Variants in COL4A4 observed in about 807,000 individuals in gnomAD.
The protein encoded by COL4A4 is collagen alpha-4(IV) chain.
In COL4A4, 105 loss-of-function variants were observed where a neutral mutation model predicts 192.9. The ratio of observed to expected loss-of-function variants is 0.54; its 90% CI spans 0.46 to 0.64. The LOEUF (loss-of-function observed/expected upper bound fraction) is 0.64. Ranked by LOEUF, COL4A4 falls within the 30% of genes least tolerant of loss-of-function variation. COL4A4 has a pLI of 0.00. For synonymous variants in COL4A4, 762 were observed against 769.9 expected (o/e 0.99, Z 0.17); for missense variants, 1,967 against 2,169.3 (o/e 0.91, Z 1.85).
chr2:227,049,646 A>G (rs183503742), intron 34 of COL4A4, among the ~76,000 whole-genome samples: 125 of 152,376 alleles, frequency 8.2e-4, no homozygotes, highest in African/African-American at 2.7e-3. Flanking sequence ...TTTAGCCTCT[A>G]TGTCCTAACT....
At chr2:227,001,878 A>AAAG (rs1961043981), downstream of COL4A4, among the ~76,000 whole-genome samples, 1 of 151,702 alleles carries the variant, frequency 6.6e-6, no homozygotes, top group Non-Finnish European at 1.5e-5. Flanking sequence ...TTCCTACTTA[A>AAAG]AAGTAAGTCC....
chr2:227,104,766 G>A (rs561159983), intron 12 of COL4A4, among the ~76,000 whole-genome samples: 46 of 150,458 alleles, frequency 3.1e-4, no homozygotes, highest in African/African-American at 1.1e-3. Context: ...TCAGCCTCCA[G>A]AGTAGCTGGG....
intron 12 of COL4A4, among the ~76,000 whole-genome samples, chr2:227,104,403 T>C (rs1194105067): frequency 1.1e-5 from 1 of 89,386 alleles, no homozygotes; most frequent in Admixed American, 1.1e-4. Flanking sequence ...ACCCCGTCTC[T>C]ACTAAAAATA....
In COL4A4 at chr2:227,022,149, A is replaced by C. The variant is rs1966130127; in HGVS notation, c.4115T>G (p.Val1372Gly). Residue 1372 changes from valine (V) to glycine (G), a missense_variant, in exon 44 of 48, where the codon GTG (valine) becomes GGG (glycine). By Grantham distance (109) the Val-to-Gly change is moderately radical (BLOSUM62 -3). Transcript: ENST00000396625. ...GCCTGGGATTCGGGGACAGTCATCC[A>C]CATCTGCAGGTGGCCCCGGTTCACC... Reference protein sequence around the residue: ...PRGEPGPPADVDDCPRIPGLP... With the variant: ...PRGEPGPPADGDDCPRIPGLP... 6.2e-7 allele frequency: 1 copy of C among 1,613,994 alleles called. No individual in the cohort carries two copies.
the COL4A4 span, chr2:226,995,557 A>G: frequency 7.1e-7 from 1 of 1,402,042 alleles, no homozygotes; most frequent in Non-Finnish European, 1.0e-6. Context: ...CTATTCGTGT[A>G]ATTATTGCCC....
chr2:227,080,341 T>C, intron 24 of COL4A4, 102 bp downstream of exon 24: 1 of 1,059,232 alleles, frequency 9.4e-7, no homozygotes, highest in Non-Finnish European at 1.5e-6. Context: ...TATGTTGATA[T>C]TTTACTGAAT....
intron 37 of COL4A4, among the ~76,000 whole-genome samples, chr2:227,041,860 A>AGAG (rs1559478521): frequency 5.4e-5 from 5 of 92,280 alleles, no homozygotes; most frequent in African/African-American, 2.2e-4. Context: ...GAAAGAAAGA[A>AGAG]AGAAAGAAAG....
chr2:227,091,740 C>A (rs1392833608), intron 20 of COL4A4, among the ~76,000 whole-genome samples: 1 of 151,570 alleles, frequency 6.6e-6, no homozygotes. Flanking sequence ...CTAAAAAATG[C>A]AAAAAATTAG....
chr2:227,118,783 G>T, intron 6 of COL4A4, 22 bp from the exon 7 acceptor site: 2 of 1,548,144 alleles, frequency 1.3e-6, no homozygotes, highest in Non-Finnish European at 1.8e-6. Flanking sequence ...AAAATTATAA[G>T]TGAAGCATTT....
chr2:227,045,697 A>T (rs1197853493), intron 35 of COL4A4, among the ~76,000 whole-genome samples: 2 of 148,178 alleles, frequency 1.3e-5, no homozygotes, highest in African/African-American at 5.0e-5. Context: ...TGAACCCAGA[A>T]GGTGGAGGTT....
chr2:227,141,233 G>A (rs2063188123), intron 3 of COL4A4, among the ~76,000 whole-genome samples: 1 of 152,210 alleles, frequency 6.6e-6, no homozygotes, highest in African/African-American at 2.4e-5. Flanking sequence ...CCTGGCTCAT[G>A]ATCTGGCCTA....
chr2:227,073,095 G>A (rs1417905351), intron 25 of COL4A4, among the ~76,000 whole-genome samples: 1 of 151,668 alleles, frequency 6.6e-6, no homozygotes, highest in Non-Finnish European at 1.5e-5. Context: ...TAGAAAAGAG[G>A]AAGTCAAACT....
In COL4A4 at chr2:227,114,630, G is replaced by A. The variant is rs1351388457; in HGVS notation, c.556C>T (p.Gln186Ter). 3 of 1,613,514 alleles carry A rather than the reference G, an allele frequency of 1.9e-6. No individual in the cohort carries two copies. The highest frequency in any genetic ancestry group is 2.2e-5 in the East Asian group (1 of 44,864). Residue 186 changes from glutamine to a stop codon, truncating the protein, a stop_gained and splice_region_variant, in exon 8 of 48, where the codon CAG (glutamine) becomes TAG (stop). Transcript: ENST00000396625. LOFTEE classifies it high-confidence loss of function. ...VFILGAVKGI[Q>*]GDRGDPGLPG... ...CCCATCATGATCATAATACTTACCT[G>A]AATACCTTTAACGGCACCTAAAATG...
chr2:226,997,000 G>A, the COL4A4 span: 4 of 152,128 alleles, frequency 2.6e-5, no homozygotes, highest in South Asian at 2.1e-4. Flanking sequence ...CAATTTTTCC[G>A]TTGATACATT....
At chr2:227,144,387 G>T in intron 3 of COL4A4, 129 bp downstream of exon 3, 1 of 763,190 alleles carries the variant, frequency 1.3e-6, no homozygotes, top group Non-Finnish European at 2.3e-6. Context: ...AGTTTATTTA[G>T]TCCTATTCTC....
chr2:227,097,475 G>C (rs879196399), intron 19 of COL4A4, among the ~76,000 whole-genome samples: 2 of 152,138 alleles, frequency 1.3e-5, no homozygotes, highest in Admixed American at 1.3e-4. Context: ...GTCAAGATTT[G>C]AAAGCTATTG....
At chr2:227,081,914 T>C (rs968814614) in intron 23 of COL4A4, among the ~76,000 whole-genome samples, 1 of 152,152 alleles carries the variant, frequency 6.6e-6, no homozygotes, top group Non-Finnish European at 1.5e-5. Flanking sequence ...TAAAGGAATA[T>C]TTATGTTTTC....
chr2:227,035,788 A>G (rs986883870), intron 37 of COL4A4, among the ~76,000 whole-genome samples: 3 of 152,114 alleles, frequency 2.0e-5, no homozygotes, highest in African/African-American at 7.2e-5. Flanking sequence ...AGCTTTAGTC[A>G]CCAAGATTGA....
rs1961536344 is a variant in COL4A4, at chr2:227,003,959, A to AAAT, written c.*3363_*3365dup. 6.6e-6 allele frequency: 1 copy of AAAT among 152,246 alleles called. No individual in the cohort carries two copies. Among genetic ancestry groups the AAAT allele is most frequent in the South Asian group, 2.1e-4 (1 of 4,832 alleles). 9.4% of individuals were successfully genotyped at this position (152,246 alleles called of 1,614,324 possible). A position where few individuals can be genotyped will look rare whatever the true frequency, so the allele number is the denominator to read the frequency against. On this transcript the variant is annotated 3_prime_UTR_variant, in exon 48 of 48. Coordinates refer to ENST00000396625, the MANE Select transcript of COL4A4 (RefSeq NM_000092.5). ...ATATGTTGAATATTAAAATATTCTG[A>AAAT]AATAGGAAATGGTTTATACTTGTAA...
Sources: gnomAD v4.1 joint callset for allele counts (sites outside exome capture counted in the v4.1 genomes callset) on GRCh38, gnomAD v4.1.1 for gene constraint, MANE v1.5 for transcripts, NCBI Gene and HGNC (gene_info 2026-07-23, HGNC 2026-07-21) for gene names.